The following DENND11 variants were observed in gnomAD, a reference collection of about 807,000 sequenced individuals.
DENND11 encodes DENN domain-containing protein 11.
In DENND11, 34 loss-of-function variants were observed where a neutral mutation model predicts 49.2. The ratio of observed to expected loss-of-function variants is 0.69; its 90% confidence interval spans 0.53 to 0.92. The LOEUF (loss-of-function observed/expected upper bound fraction) is 0.92. Among genes scored for constraint, DENND11 ranks in the 40% least tolerant of loss-of-function variants. The pLI is 0.00. For synonymous variants in DENND11, 238 were observed against 230.3 expected (o/e 1.03, Z -0.30); for missense variants, 475 against 581.6 (o/e 0.82, Z 1.88).
At chr7:141,694,077 G>T (rs921374295) in intron 1 of DENND11, among the ~76,000 whole-genome samples, 1 of 152,028 alleles carries the variant, frequency 6.6e-6, no homozygotes, top group African/African-American at 2.4e-5. Flanking sequence ...TGAGGGGGAG[G>T]TAGTATATGG....
intron 1 of DENND11, among the ~76,000 whole-genome samples, chr7:141,690,677 C>T (rs143456241): frequency 1.6e-4 from 24 of 152,328 alleles, no homozygotes; most frequent in African/African-American, 2.4e-4. Flanking sequence ...CAAACTAAGA[C>T]ACTTTCAATG....
rs965327166 is a variant in DENND11 at position 141,661,559 on chromosome 7, C to T, written c.*1097G>A. On this transcript the variant is annotated 3_prime_UTR_variant, in exon 9 of 9. Coordinates refer to ENST00000536163, the MANE Select transcript of DENND11 (RefSeq NM_001080392.2). ...TTATTTAGCCTAAGGAATGTCACCT[C>T]TGCTAAAGAGAAGTGTGTTTGTGAG... 2 of 152,240 alleles carry T rather than the reference C, an allele frequency of 1.3e-5. No homozygotes were observed. Among genetic ancestry groups the T allele is most frequent in the African/African-American group, 4.8e-5 (2 of 41,462 alleles). The allele number at this position is 152,240 out of a possible 1,614,324, so 9.4% of individuals were successfully genotyped here.
chr7:141,685,669 G>T (rs746877241), intron 2 of DENND11, 33 bp from the exon 3 acceptor site: 5 of 1,607,884 alleles, frequency 3.1e-6, no homozygotes, highest in Non-Finnish European at 4.3e-6. Flanking sequence ...TGTGGCTCAA[G>T]ATCAGAGAGG....
At chr7:141,668,905 T>C (rs533944025) in intron 4 of DENND11, among the ~76,000 whole-genome samples, 1 of 152,346 alleles carries the variant, frequency 6.6e-6, no homozygotes, top group Admixed American at 6.5e-5. Flanking sequence ...ATGTCTCCAG[T>C]GCGTACCTTC....
intron 4 of DENND11, among the ~76,000 whole-genome samples, 159 bp downstream of exon 4, chr7:141,673,908 T>TA (rs1798024007): frequency 1.3e-5 from 2 of 152,216 alleles, no homozygotes; most frequent in African/African-American, 2.4e-5. Flanking sequence ...CCTTATGTTT[T>TA]AAAAAAACCA....
Position 141,665,274 on chromosome 7 carries a change from C to T in DENND11, c.865G>A (p.Gly289Arg), listed in dbSNP as rs758501488. Residue 289 changes from glycine to arginine, a missense_variant, in exon 6 of 9, where the codon GGG becomes AGG. Gly to Arg is a moderately radical substitution (Grantham distance 125, BLOSUM62 -2). Transcript: ENST00000536163. ...GGTTTGGACTCAGGAATGGTGCCCC[C>T]GATGCCAGGCAGTGAAACGTTGGCC... ...CLANVSLPGI[G>R]GTIPESKPFF... 1.4e-5 allele frequency: 23 copies of T among 1,613,692 alleles called. No homozygotes were observed. The highest frequency in any genetic ancestry group is 8.9e-5 in the East Asian group (4 of 44,856).
rs1305276426 is a variant in DENND11, at chr7:141,685,029, A to AAAATATATAT, written c.527+448_527+449insATATATATTT. Among the ~76,000 whole-genome samples, 220 of 91,474 alleles carry AAAATATATAT rather than the reference A, an allele frequency of 2.4e-3. 1 individual carries two copies. The highest frequency in any genetic ancestry group is 4.0e-3 in the Non-Finnish European group (197 of 49,608). The allele number at this position is 91,474 out of a possible 152,430, so 60.0% of individuals were successfully genotyped here. A position where few individuals can be genotyped will look rare whatever the true frequency, so the allele number is the denominator to read the frequency against. On this transcript the variant is annotated intron_variant, in intron 3 of 8. Transcript: ENST00000536163. ...GTCTCTACCAAAAAAAAAAAAAAAAAATATATATATATATATATATATATA... is the reference window on the plus strand; with the variant it reads ...GTCTCTACCAAAAAAAAAAAAAAAAAAAATATATATATATATATATATATATATATATATA...
rs138318956 is a variant in DENND11, at chr7:141,665,259, C to G, written c.880G>C (p.Glu294Gln). Residue 294 changes from glutamate to glutamine, a missense_variant, in exon 6 of 9, where the codon GAG (glutamate) becomes CAG (glutamine). Glu to Gln is a conservative substitution (Grantham distance 29). Coordinates refer to ENST00000536163, the MANE Select transcript of DENND11 (RefSeq NM_001080392.2). Reference sequence around the variant, plus strand: ...TTCACGTAGAAGAAAGGTTTGGACTCAGGAATGGTGCCCCCGATGCCAGGC... The same window carrying G: ...TTCACGTAGAAGAAAGGTTTGGACTGAGGAATGGTGCCCCCGATGCCAGGC... ...SLPGIGGTIP[E>Q]SKPFFYVNVA... The G allele has an allele frequency of 2.2e-4, 352 of 1,613,790 alleles. 3 individuals are homozygous for G. The African/African-American group carries it at 3.8e-3, about 17-fold the overall frequency.
intron 8 of DENND11, 49 bp from the exon 9 acceptor site, chr7:141,662,900 AG>A (rs751036990): frequency 1.1e-4 from 161 of 1,401,380 alleles, no homozygotes; most frequent in Non-Finnish European, 1.5e-4. Context: ...GGGAATAAAA[AG>A]CTCACCAGAT....
intron 1 of DENND11, among the ~76,000 whole-genome samples, chr7:141,695,903 C>A (rs1798404559): frequency 1.3e-5 from 2 of 152,194 alleles, no homozygotes; most frequent in Non-Finnish European, 2.9e-5. Flanking sequence ...CCACGGGAGG[C>A]ACAAATGTGG....
chr7:141,664,041 C>T (rs1797846472), intron 8 of DENND11, 131 bp downstream of exon 8: 1 of 724,590 alleles, frequency 1.4e-6, no homozygotes, highest in Admixed American at 2.3e-5. Context: ...TGTAAGGAGC[C>T]CGGCTCTAAG....
intron 1 of DENND11, among the ~76,000 whole-genome samples, chr7:141,692,707 T>C (rs1239559185): frequency 6.7e-6 from 1 of 150,064 alleles, no homozygotes; most frequent in Non-Finnish European, 1.5e-5. Context: ...TAGCCAGGCA[T>C]GGTGGTGTGT....
Position 141,665,065 on chromosome 7 carries a change from CG to C in DENND11, c.953-12del. ...TCTTCTCTGTGGTGCCTGTGGAACC[CG>C]GGGTTAGAGAGGTGGGAACCCACCC... On this transcript the variant is annotated splice_polypyrimidine_tract_variant and intron_variant, in intron 6 of 8. Coordinates refer to ENST00000536163, the MANE Select transcript of DENND11 (RefSeq NM_001080392.2). 1.2e-6 allele frequency: 2 copies of C among 1,613,288 alleles called. No homozygotes were observed. Among genetic ancestry groups the C allele is most frequent in the Non-Finnish European group, 1.7e-6 (2 of 1,179,392 alleles).
Position 141,702,081 on chromosome 7 carries a change from G to A in DENND11, c.73C>T (p.Pro25Ser). ...EGPAVSLPQA[P>S]QPQAGGWGRG... ...CCCCAGCCTCCCGCCTGCGGCTGCG[G>A]GGCCTGCGGCAGGGAGACGGCGGGG... The change falls in exon 1 of 9, where the codon CCG (proline) becomes TCG (serine). Residue 25 changes from proline to serine, a missense_variant. Transcript: ENST00000536163. The A allele has an allele frequency of 1.0e-6, 1 of 986,212 alleles. No homozygotes were observed. The highest frequency in any genetic ancestry group is 1.2e-6 in the Non-Finnish European group (1 of 831,818). The allele number at this position is 986,212 out of a possible 1,614,324, so 61.1% of individuals were successfully genotyped here.
intron 3 of DENND11, among the ~76,000 whole-genome samples, chr7:141,676,166 G>A (rs1281242633): frequency 6.6e-6 from 1 of 152,212 alleles, no homozygotes; most frequent in Admixed American, 6.5e-5. Context: ...AAAGAACACT[G>A]AGAATCATTT....
intron 3 of DENND11, among the ~76,000 whole-genome samples, chr7:141,681,351 T>A (rs1383238458): frequency 6.6e-6 from 1 of 152,174 alleles, no homozygotes; most frequent in East Asian, 1.9e-4. Flanking sequence ...CCACTGAGAT[T>A]CCAACAATTT....
At chr7:141,692,966 G>C (rs1031884266) in intron 1 of DENND11, among the ~76,000 whole-genome samples, 4 of 152,188 alleles carry the variant, frequency 2.6e-5, no homozygotes, top group Non-Finnish European at 5.9e-5. Flanking sequence ...TGAGTTTCTA[G>C]ATATAATACT....
At chr7:141,686,476 C>T in intron 2 of DENND11, 83 bp downstream of exon 2, 1 of 846,888 alleles carries the variant, frequency 1.2e-6, no homozygotes, top group Non-Finnish European at 2.0e-6. Flanking sequence ...ACGAAGACCT[C>T]CTAATAAGAG....
chr7:141,668,732 T>G (rs1797932526), intron 4 of DENND11, among the ~76,000 whole-genome samples: 1 of 152,262 alleles, frequency 6.6e-6, no homozygotes, highest in African/African-American at 2.4e-5. Flanking sequence ...AGGGAAGCAC[T>G]GCCCACAGGG....
Sources: gnomAD v4.1 joint callset for allele counts (sites outside exome capture counted in the v4.1 genomes callset) on GRCh38, gnomAD v4.1.1 for gene constraint, MANE v1.5 for transcripts, NCBI Gene and HGNC (gene_info 2026-07-23, HGNC 2026-07-21) for gene names.